The following VAX2 variants were observed in gnomAD, a reference collection of about 807,000 sequenced individuals.
The protein encoded by VAX2 is ventral anterior homeobox 2.
In VAX2, 8 loss-of-function variants were observed where a neutral mutation model predicts 12.5. The observed-to-expected ratio is 0.64, with a 90% CI of 0.37 to 1.15. VAX2 has a LOEUF of 1.15. VAX2 is among the 50% of genes most tolerant of loss of function. VAX2 has a pLI of 0.01. For synonymous variants in VAX2, 183 were observed against 187.6 expected, an observed-to-expected ratio of 0.98 and a Z score of 0.20; for missense variants, 476 against 412.9, an observed-to-expected ratio of 1.15 and a Z score of -1.32.
rs150211061 is a variant in VAX2 at position 70,911,506 on chromosome 2, G to A, written c.248-9592G>A. On this transcript the variant is annotated intron_variant, in intron 1 of 2. Coordinates refer to ENST00000234392, the MANE Select transcript of VAX2 (RefSeq NM_012476.3). ...GAACAGTGCATTTTAAGTTTAGCTA[G>A]GCATTATTCCTCTTCAAAAACCATA... Among the ~76,000 whole-genome samples, 3 of 152,256 alleles carry A rather than the reference G, an allele frequency of 2.0e-5. No homozygotes were observed. In the East Asian group the frequency reaches 5.8e-4, roughly 29 times the overall value.
At chr2:70,902,909 G>A (rs568853493) in intron 1 of VAX2, among the ~76,000 whole-genome samples, 4 of 152,170 alleles carry the variant, frequency 2.6e-5, no homozygotes, top group African/African-American at 4.8e-5. Context: ...AAATATAATC[G>A]AAATATTAGA....
chr2:70,926,756 A>C (rs1553413594), intron 2 of VAX2, among the ~76,000 whole-genome samples: 1 of 152,212 alleles, frequency 6.6e-6, no homozygotes, highest in East Asian at 1.9e-4. Flanking sequence ...TGTGATCACC[A>C]TGTTGCTTAA....
intron 1 of VAX2, among the ~76,000 whole-genome samples, chr2:70,915,075 A>G (rs1280530861): frequency 6.6e-6 from 1 of 152,084 alleles, no homozygotes; most frequent in East Asian, 1.9e-4. Flanking sequence ...TGCTGGGATT[A>G]CAGGCATGAG....
Position 70,929,825 on chromosome 2 carries a change from G to A in VAX2, c.436-2942G>A, listed in dbSNP as rs80300499. 7.9e-3 allele frequency among the ~76,000 whole-genome samples: 1,210 copies of A among 152,202 alleles called. 28 individuals carry two copies. Among genetic ancestry groups the A allele is most frequent in the African/African-American group, 0.027 (1,138 of 41,512 alleles). On this transcript the variant is annotated intron_variant, in intron 2 of 2. Coordinates refer to ENST00000234392, the MANE Select transcript of VAX2 (RefSeq NM_012476.3). ...AATCATTTGAGAAACACGGCTCAAA[G>A]CCCTTGCTGCCAATTGACAGACAGG...
Position 70,933,180 on chromosome 2 carries a change from C to A in VAX2, c.849C>A (p.Ser283Arg), listed in dbSNP as rs1679745560. Residue 283 changes from serine to arginine, a missense_variant, in exon 3 of 3, where the codon AGC (serine) becomes AGA (arginine). By Grantham distance (110) the Ser-to-Arg change is moderately radical. Transcript: ENST00000234392. ...TAGAACGGAAAGTGGGCAGCGCCAG[C>A]AGCTGCAAGAAAGCTAACACTTAAG... ...SWLERKVGSASSCKKANT is the reference protein window; with the variant it reads ...SWLERKVGSARSCKKANT 2 of 1,528,808 alleles carry A rather than the reference C, an allele frequency of 1.3e-6. No homozygotes were observed. The highest frequency in any genetic ancestry group is 1.8e-6 in the Non-Finnish European group (2 of 1,140,054). 94.7% of individuals were successfully genotyped at this position (1,528,808 alleles called of 1,614,324 possible).
chr2:70,912,874 C>T (rs1679220556), intron 1 of VAX2, among the ~76,000 whole-genome samples: 1 of 148,468 alleles, frequency 6.7e-6, no homozygotes, highest in African/African-American at 2.6e-5. Context: ...ATTCACCCTC[C>T]CACATACCCT....
At chr2:70,911,685 C>T (rs1679190529) in intron 1 of VAX2, among the ~76,000 whole-genome samples, 2 of 152,156 alleles carry the variant, frequency 1.3e-5, no homozygotes, top group South Asian at 4.1e-4. Context: ...TTTTCTGATT[C>T]CTCTAGCCCG....
In VAX2 at chr2:70,904,284, T is replaced by C. The variant is rs1679001375; in HGVS notation, c.247+3416T>C. On this transcript the variant is annotated intron_variant, in intron 1 of 2. Transcript: ENST00000234392. This position sits in a 1 kb window ranked among gnomAD's most constrained non-coding sequence, Gnocchi z 4.2. ...AAGGAACAACAGGCCGCCTGAGCCG[T>C]GGCTCAAACAGCACAGGGCAGTGGC... Among the ~76,000 whole-genome samples, 1 of 152,154 alleles carries C rather than the reference T, an allele frequency of 6.6e-6. No homozygotes were observed. Among genetic ancestry groups the C allele is most frequent in the Admixed American group, 6.5e-5 (1 of 15,278 alleles).
intron 2 of VAX2, 130 bp from the exon 3 acceptor site, chr2:70,932,637 A>AACCCCC: frequency 6.9e-6 from 1 of 144,554 alleles, no homozygotes; most frequent in Non-Finnish European, 1.5e-5. Context: ...CCACCCTCAC[A>AACCCCC]CCCCACCCCC....
At chr2:70,914,791 C>T (rs1385385247) in intron 1 of VAX2, among the ~76,000 whole-genome samples, 3 of 148,102 alleles carry the variant, frequency 2.0e-5, no homozygotes, top group Non-Finnish European at 3.0e-5. Flanking sequence ...TTTTATCAGG[C>T]TATTTACTTA....
chr2:70,904,978 C>T lies in VAX2; in HGVS notation c.247+4110C>T, dbSNP rs1285636633. On this transcript the variant is annotated intron_variant, in intron 1 of 2. Coordinates refer to ENST00000234392, the MANE Select transcript of VAX2 (RefSeq NM_012476.3). The surrounding 1 kb of genome is among the most constrained non-coding windows in gnomAD (Gnocchi z 4.2). ...CGTCTGAAGAAGCCATACAAGGGGG[C>T]GCAGCTTCGGGGCTCTGGCTGGGAG... 2.0e-5 allele frequency among the ~76,000 whole-genome samples: 3 copies of T among 152,202 alleles called. No homozygotes were observed. Among genetic ancestry groups the T allele is most frequent in the Non-Finnish European group, 2.9e-5 (2 of 68,050 alleles).
At chr2:70,930,057 G>C (rs1411925038) in intron 2 of VAX2, among the ~76,000 whole-genome samples, 2 of 152,232 alleles carry the variant, frequency 1.3e-5, no homozygotes, top group African/African-American at 2.4e-5. Flanking sequence ...GCATCCGCCA[G>C]GTGCGGTGGT....
chr2:70,905,043 T>A (rs1679020053), intron 1 of VAX2, among the ~76,000 whole-genome samples: 1 of 152,036 alleles, frequency 6.6e-6, no homozygotes, highest in Non-Finnish European at 1.5e-5. Context: ...AGCAGCCGGG[T>A]CCAGGCTCAG....
intron 2 of VAX2, among the ~76,000 whole-genome samples, chr2:70,923,686 A>G (rs982163405): frequency 4.6e-5 from 7 of 152,238 alleles, no homozygotes; most frequent in Non-Finnish European, 7.3e-5. Flanking sequence ...TTTATTATAA[A>G]TGACACGAGT....
chr2:70,910,805 C>CAA (rs34270321), intron 1 of VAX2, among the ~76,000 whole-genome samples: 3 of 146,338 alleles, frequency 2.1e-5, no homozygotes, highest in African/African-American at 5.0e-5. Context: ...CAAAACAAAA[C>CAA]AAAAAACCCA....
intron 1 of VAX2, among the ~76,000 whole-genome samples, chr2:70,911,617 T>C (rs1402946474): frequency 6.6e-6 from 1 of 152,226 alleles, no homozygotes; most frequent in Non-Finnish European, 1.5e-5. Flanking sequence ...CCAAATCTGA[T>C]AGATAAAATA....
intron 1 of VAX2, among the ~76,000 whole-genome samples, chr2:70,920,470 C>T (rs567641771): frequency 2.3e-4 from 35 of 152,224 alleles, no homozygotes; most frequent in African/African-American, 7.7e-4. Flanking sequence ...GCAGCAGCCC[C>T]CCTCTGGAAG....
chr2:70,919,230 CAAA>C (rs571460115), intron 1 of VAX2, among the ~76,000 whole-genome samples: 1 of 53,524 alleles, frequency 1.9e-5, no homozygotes, highest in Non-Finnish European at 3.7e-5. Flanking sequence ...TGTGTCTCCA[CAAA>C]AAAAAAAAAA....
intron 2 of VAX2, 28 bp downstream of exon 2, chr2:70,921,313 C>T (rs782210011): frequency 1.9e-6 from 3 of 1,547,130 alleles, no homozygotes; most frequent in Middle Eastern, 1.8e-4. Flanking sequence ...GGCCACTCCA[C>T]TCTTGTCCTG....
Sources: allele counts gnomAD v4.1 joint callset (sites outside exome capture counted in the v4.1 genomes callset), GRCh38; gene constraint gnomAD v4.1.1; non-coding constraint Gnocchi (gnomAD v3.1); transcripts MANE v1.5; gene names NCBI Gene and HGNC (gene_info 2026-07-23, HGNC 2026-07-21).